CDH12: variants seen among roughly 807,000 people sequenced by gnomAD.
The protein encoded by CDH12 is cadherin 12, also known as cadherin-12.
CDH12 carries 41 observed loss-of-function variants against 74.1 expected under a neutral mutation model. The observed-to-expected ratio is 0.55, with a 90% CI of 0.43 to 0.72. The LOEUF is 0.72. CDH12 is among the 30% of genes least tolerant of loss of function. CDH12 has a pLI of 0.00. For missense variants in CDH12, 945 were observed against 977.2 expected (o/e 0.97, Z 0.44); for synonymous variants, 399 against 355.0 (o/e 1.12, Z -1.39).
At position 21,930,787 on chromosome 5, in the gene CDH12, A is replaced by T. The variant is rs62349063; in HGVS notation, c.526+44304T>A. Among the ~76,000 whole-genome samples the T allele has an allele frequency of 6.1e-3, 923 of 152,356 alleles. 2 individuals are homozygous for T. The highest frequency in any genetic ancestry group is 0.011 in the Non-Finnish European group (753 of 68,034). On this transcript the variant is annotated intron_variant, in intron 6 of 14. Coordinates refer to ENST00000382254, the MANE Select transcript of CDH12 (RefSeq NM_004061.5). ...TTGAGGTTAATGAAATAATTCATAG[A>T]TCAACAACTTCGTATAATAAGAACA...
At chr5:22,098,503 T>G (rs555579605) in intron 4 of CDH12, among the ~76,000 whole-genome samples, 1,702 of 152,080 alleles carry the variant, frequency 0.011, 34 homozygotes, top group African/African-American at 0.038. Flanking sequence ...TGCCGCTGCT[T>G]TAATACTTTT....
At chr5:22,198,359 A>G (rs1750737475) in intron 4 of CDH12, among the ~76,000 whole-genome samples, 1 of 152,008 alleles carries the variant, frequency 6.6e-6, no homozygotes, top group Non-Finnish European at 1.5e-5. Context: ...TACACACCAA[A>G]TAAGCATATC....
At chr5:22,818,231 T>C (rs1362352566) in intron 1 of CDH12, among the ~76,000 whole-genome samples, 1 of 152,162 alleles carries the variant, frequency 6.6e-6, no homozygotes, top group Non-Finnish European at 1.5e-5. Context: ...TACAAGACAC[T>C]ACAAAGTCCA....
chr5:21,873,861 A>G (rs1751780964), intron 6 of CDH12, among the ~76,000 whole-genome samples: 1 of 2,108 alleles, frequency 4.7e-4, no homozygotes, highest in Non-Finnish European at 1.2e-3. Context: ...CCCGCTTACA[A>G]GTGAGAACAT....
intron 11 of CDH12, among the ~76,000 whole-genome samples, chr5:21,779,838 A>C (rs1745809963): frequency 6.6e-6 from 1 of 152,208 alleles, no homozygotes; most frequent in Non-Finnish European, 1.5e-5. Flanking sequence ...TTAGAATATG[A>C]ATAAAGTTTA....
chr5:22,135,097 T>A (rs566846018), intron 4 of CDH12, among the ~76,000 whole-genome samples: 9 of 151,782 alleles, frequency 5.9e-5, no homozygotes, highest in Admixed American at 5.9e-4. Flanking sequence ...TGTCTTTAAC[T>A]GAGCTTTTAT....
At chr5:22,184,927 G>A (rs1196171012) in intron 4 of CDH12, among the ~76,000 whole-genome samples, 1 of 152,162 alleles carries the variant, frequency 6.6e-6, no homozygotes, top group African/African-American at 2.4e-5. Flanking sequence ...ATGGGGGTTT[G>A]TTGTACAGAT....
intron 3 of CDH12, among the ~76,000 whole-genome samples, chr5:22,296,756 CAG>C (rs1737640686): frequency 6.6e-6 from 1 of 152,148 alleles, no homozygotes; most frequent in African/African-American, 2.4e-5. Context: ...GCTCTGGTTT[CAG>C]AGCTTACAAA....
At chr5:22,095,336 A>T (rs1743689095) in intron 4 of CDH12, among the ~76,000 whole-genome samples, 1 of 151,902 alleles carries the variant, frequency 6.6e-6, no homozygotes, top group Admixed American at 6.6e-5. Flanking sequence ...TTTCTGGTGG[A>T]GACAAAGGAG....
intron 10 of CDH12, among the ~76,000 whole-genome samples, chr5:21,801,417 C>T (rs182761718): frequency 2.0e-5 from 3 of 152,204 alleles, no homozygotes; most frequent in East Asian, 1.9e-4. Flanking sequence ...TGTAGGCACG[C>T]GGCAGAAAAT....
intron 8 of CDH12, among the ~76,000 whole-genome samples, chr5:21,840,454 C>A (rs934068921): frequency 6.6e-6 from 1 of 151,458 alleles, no homozygotes; most frequent in African/African-American, 2.4e-5. Context: ...AGATTCAATA[C>A]CATCCCCATC....
chr5:22,306,936 G>A (rs932631951), intron 3 of CDH12, among the ~76,000 whole-genome samples: 17 of 152,126 alleles, frequency 1.1e-4, no homozygotes, highest in Non-Finnish European at 2.4e-4. Flanking sequence ...TTCTGTGAGT[G>A]TTTTATTAAG....
At chr5:21,880,332 G>C (rs931574003) in intron 6 of CDH12, among the ~76,000 whole-genome samples, 1 of 152,192 alleles carries the variant, frequency 6.6e-6, no homozygotes, top group African/African-American at 2.4e-5. Context: ...CCTTCTACTG[G>C]AGTCATGCTT....
intron 6 of CDH12, among the ~76,000 whole-genome samples, chr5:21,938,999 A>G (rs1305729732): frequency 6.6e-6 from 1 of 150,984 alleles, no homozygotes; most frequent in Admixed American, 6.6e-5. Flanking sequence ...GTTCACTGAA[A>G]CAGTATTTAT....
intron 3 of CDH12, among the ~76,000 whole-genome samples, chr5:22,365,813 CA>C (rs1176324280): frequency 2.6e-5 from 4 of 151,864 alleles, no homozygotes; most frequent in Non-Finnish European, 4.4e-5. Context: ...GAAAAACAAA[CA>C]AAAAATATTC....
chr5:21,861,712 T>C lies in CDH12; in HGVS notation c.527-6922A>G, dbSNP rs143130579. ...AGTAAATTCTTGCCATTGCCACAGC[T>C]GGATCAAAAAGCATATAGATTCAAC... On this transcript the variant is annotated intron_variant, in intron 6 of 14. Coordinates refer to ENST00000382254, the MANE Select transcript of CDH12 (RefSeq NM_004061.5). Among the ~76,000 whole-genome samples, 7 of 152,268 alleles carry C rather than the reference T, an allele frequency of 4.6e-5. No individual in the cohort carries two copies. In the East Asian group the frequency reaches 1.2e-3, roughly 25 times the overall value.
intron 3 of CDH12, among the ~76,000 whole-genome samples, chr5:22,297,308 A>C (rs1478448517): frequency 6.6e-6 from 1 of 152,138 alleles, no homozygotes; most frequent in Non-Finnish European, 1.5e-5. Flanking sequence ...GGCATAAGCC[A>C]CCGCGCCCGG....
At chr5:21,992,456 A>G (rs1378189226) in intron 5 of CDH12, among the ~76,000 whole-genome samples, 1 of 152,048 alleles carries the variant, frequency 6.6e-6, no homozygotes, top group Non-Finnish European at 1.5e-5. Flanking sequence ...TAAATGTTGA[A>G]TATTTCTTTT....
At position 22,823,461 on chromosome 5, in the gene CDH12, G is replaced by C. The variant is rs571498766; in HGVS notation, c.-523+29597C>G. Among the ~76,000 whole-genome samples, 23 of 152,092 alleles carry C rather than the reference G, an allele frequency of 1.5e-4. No individual in the cohort carries two copies. The East Asian group carries it at 4.1e-3, about 27-fold the overall frequency. ...CTGCCACTCATGTAAGACCTCACTT[G>C]CTCCTCCATCATGATTGTGAGGCCT... On this transcript the variant is annotated intron_variant, in intron 1 of 14. Coordinates refer to ENST00000382254, the MANE Select transcript of CDH12 (RefSeq NM_004061.5).
Sources: allele counts gnomAD v4.1 joint callset (sites outside exome capture counted in the v4.1 genomes callset), GRCh38; gene constraint gnomAD v4.1.1; transcripts MANE v1.5; gene names NCBI Gene and HGNC (gene_info 2026-07-23, HGNC 2026-07-21).